ADCY6: variants seen among roughly 807,000 people sequenced by gnomAD.
ADCY6 encodes the protein adenylate cyclase type 6.
Under a neutral mutation model 111.6 loss-of-function variants are expected in ADCY6, and 59 were observed. The ratio of observed to expected loss-of-function variants is 0.53; its 90% CI spans 0.43 to 0.66. The LOEUF is 0.66. Ranked by LOEUF, ADCY6 falls within the 30% of genes least tolerant of loss-of-function variation. The pLI is 0.00. For synonymous variants in ADCY6, 576 were observed against 642.9 expected (o/e 0.90, Z 1.57); for missense variants, 1,242 against 1,595.6 (o/e 0.78, Z 3.78).
chr12:48,788,735 A>C (rs568668404), intron 1 of ADCY6, among the ~76,000 whole-genome samples, 171 bp downstream of exon 1: 137 of 152,100 alleles, frequency 9.0e-4, no homozygotes, highest in African/African-American at 3.0e-3. Context: ...CACTGCCTCC[A>C]TGACTTCCCT....
chr12:48,784,875 TAGGATG>T (rs1289248050), intron 1 of ADCY6, among the ~76,000 whole-genome samples: 11 of 151,984 alleles, frequency 7.2e-5, no homozygotes, highest in African/African-American at 2.7e-4. Flanking sequence ...CTGTGTTAGC[TAGGATG>T]GTCTCGATCT....
Position 48,778,024 on chromosome 12 carries a change from G to C in ADCY6, c.1014+84C>G, listed in dbSNP as rs1321047838. On this transcript the variant is annotated intron_variant, in intron 3 of 21. Transcript: ENST00000357869. ...GGGAACCATCACACTGTGCTGCACGGAACTGGACAAGGCAGCAGATCCAAT... is the reference window on the plus strand; with the variant it reads ...GGGAACCATCACACTGTGCTGCACGCAACTGGACAAGGCAGCAGATCCAAT... 2.0e-6 allele frequency: 3 copies of C among 1,517,018 alleles called. No homozygotes were observed. The African/African-American group carries it at 4.1e-5, about 21-fold the overall frequency. 94.0% of individuals were successfully genotyped at this position (1,517,018 alleles called of 1,614,324 possible).
intron 13 of ADCY6, 33 bp from the exon 14 acceptor site, chr12:48,774,551 T>C (rs367999519): frequency 1.4e-5 from 22 of 1,603,096 alleles, no homozygotes; most frequent in Non-Finnish European, 1.9e-5. Flanking sequence ...AGTTGAAGGT[T>C]GTATCAGCCA....
chr12:48,786,496 G>A (rs1444474881), intron 1 of ADCY6, among the ~76,000 whole-genome samples: 1 of 152,078 alleles, frequency 6.6e-6, no homozygotes, highest in Non-Finnish European at 1.5e-5. Context: ...CCCCATAGCT[G>A]AGATTACAAG....
chr12:48,779,940 C>T (rs1941800053), intron 2 of ADCY6, among the ~76,000 whole-genome samples: 1 of 152,108 alleles, frequency 6.6e-6, no homozygotes, highest in Admixed American at 6.5e-5. Context: ...CTGGGATGGG[C>T]CTCCTAGCTT....
In ADCY6 at chr12:48,788,961, T is replaced by TCCGGCCGG. The variant is rs1159051902; in HGVS notation, c.-68_-61dup. 2 of 95,774 alleles carry TCCGGCCGG rather than the reference T, an allele frequency of 2.1e-5. No homozygotes were observed. The highest frequency in any genetic ancestry group is 4.0e-5 in the Non-Finnish European group (2 of 49,992). 5.9% of individuals were successfully genotyped at this position (95,774 alleles called of 1,614,324 possible). A position where few individuals can be genotyped will look rare whatever the true frequency, so the allele number is the denominator to read the frequency against. ...CCCCCGCCCCGCCGCCCCCGCGGGC[T>TCCGGCCGG]CCGGCCGGCCGGCCGGCCGTCCCGC... is the stretch of plus-strand genomic sequence containing the variant. On this transcript the variant is annotated 5_prime_UTR_variant, in exon 1 of 22. Transcript: ENST00000357869.
At chr12:48,773,908 GC>G (rs761346887) in intron 15 of ADCY6, 31 bp downstream of exon 15, 5 of 1,608,550 alleles carry the variant, frequency 3.1e-6, no homozygotes, top group Admixed American at 1.7e-5. Flanking sequence ...TGCCAGGACA[GC>G]CCCCCCACCG....
Position 48,768,449 on chromosome 12 carries a change from A to G in ADCY6, c.*142T>C. 1 of 1,249,084 alleles carries G rather than the reference A, an allele frequency of 8.0e-7. No individual in the cohort carries two copies. The highest frequency in any genetic ancestry group is 1.5e-5 in the African/African-American group (1 of 67,968). 77.4% of individuals were successfully genotyped at this position (1,249,084 alleles called of 1,614,324 possible). On this transcript the variant is annotated 3_prime_UTR_variant, in exon 22 of 22. Transcript: ENST00000357869. The stretch of plus-strand genomic sequence containing the variant: ...CTTGAGGGCAGACGAGCATGATCCA[A>G]GCACAGCCTGCTGGGATGTTCCCTT...
chr12:48,775,799 C>A, intron 9 of ADCY6, 101 bp from the exon 10 acceptor site: 1 of 1,526,042 alleles, frequency 6.6e-7, no homozygotes, highest in South Asian at 1.2e-5. Flanking sequence ...GTGTCCCCGT[C>A]ATATCCTCTG....
rs749718371 is a variant in ADCY6, at chr12:48,775,314, G to C, written c.1969C>G (p.Leu657Val). The C allele has an allele frequency of 6.2e-7, 1 of 1,613,946 alleles. No individual in the cohort carries two copies. Among genetic ancestry groups the C allele is most frequent in the Admixed American group, 1.7e-5 (1 of 60,006 alleles). ...RFLLTFQRED[L>V]EKKYSRKVDP... ...TGTATCCCTCAAACCTTCTTCTCAA[G>C]ATCCTCTCTCTGGAAGGTGAGCAGA... Residue 657 changes from leucine to valine, a missense_variant, in exon 11 of 22, where the codon CTT becomes GTT. Transcript: ENST00000357869.
Position 48,768,226 on chromosome 12 carries a change from C to T in ADCY6, c.*365G>A. ...AAAGAAGGGCTCAGCCCTGAACCTG[C>T]TGCCCAGACAGACAGGGAAGGGTAG... On this transcript the variant is annotated 3_prime_UTR_variant, in exon 22 of 22. Transcript: ENST00000357869. The T allele has an allele frequency of 2.9e-6, 1 of 348,286 alleles. No homozygotes were observed. The highest frequency in any genetic ancestry group is 4.2e-5 in the Admixed American group (1 of 23,596). The allele number at this position is 348,286 out of a possible 1,614,324, so 21.6% of individuals were successfully genotyped here.
At position 48,768,704 on chromosome 12, in the gene ADCY6, G is replaced by C; in HGVS notation, c.3394C>G (p.Leu1132Val). 1.2e-6 allele frequency: 2 copies of C among 1,614,080 alleles called. No homozygotes were observed. The highest frequency in any genetic ancestry group is 1.7e-6 in the Non-Finnish European group (2 of 1,179,928). ...CCCTTGGCAGCTAGAACCTGGTACA[G>C]GTCCGTGGTCACCTGGGGGAGTGGG... ...VPDRIQVTTDLYQVLAAKGYQ... is the reference protein window; with the variant it reads ...VPDRIQVTTDVYQVLAAKGYQ... Residue 1132 changes from leucine (L) to valine (V), a missense_variant, in exon 22 of 22, where the codon CTG (leucine) becomes GTG (valine). Coordinates refer to ENST00000357869, the MANE Select transcript of ADCY6 (RefSeq NM_015270.5).
In ADCY6 at chr12:48,782,583, G is replaced by A. The variant is rs1242330299; in HGVS notation, c.852C>T (p.Phe284=). ...LAWQLNRGDA[F]LWKQLGANVL... Reference sequence around the variant, plus strand: ...CCTGGCCACCTACCTGCTTCCAGAGGAAGGCATCACCACGGTTAAGTTGCC... The same window carrying A: ...CCTGGCCACCTACCTGCTTCCAGAGAAAGGCATCACCACGGTTAAGTTGCC... Residue 284 remains phenylalanine (F), a synonymous_variant, in exon 2 of 22, where the codon TTC becomes TTT. Coordinates refer to ENST00000357869, the MANE Select transcript of ADCY6 (RefSeq NM_015270.5). This position sits in a 1 kb window ranked among gnomAD's most constrained non-coding sequence, Gnocchi z 4.3. 13 of 1,610,618 alleles carry A rather than the reference G, an allele frequency of 8.1e-6. No individual in the cohort carries two copies. The highest frequency in any genetic ancestry group is 1.0e-5 in the Non-Finnish European group (12 of 1,178,210).
chr12:48,782,540 G>A lies in ADCY6; in HGVS notation c.864+31C>T. On this transcript the variant is annotated intron_variant, in intron 2 of 21. Coordinates refer to ENST00000357869, the MANE Select transcript of ADCY6 (RefSeq NM_015270.5). The surrounding 1 kb of genome is among the most constrained non-coding windows in gnomAD (Gnocchi z 4.3). Reference sequence around the variant, plus strand: ...TGAGGTGAGAAATTCCCCACCTGCTGCCCTCCATCCCTACCTCCCTGGCCA... The same window carrying A: ...TGAGGTGAGAAATTCCCCACCTGCTACCCTCCATCCCTACCTCCCTGGCCA... 1 of 1,582,778 alleles carries A rather than the reference G, an allele frequency of 6.3e-7. No individual in the cohort carries two copies. The highest frequency in any genetic ancestry group is 8.6e-7 in the Non-Finnish European group (1 of 1,164,796).
chr12:48,780,852 G>A (rs1191308086), intron 2 of ADCY6, among the ~76,000 whole-genome samples: 2 of 152,216 alleles, frequency 1.3e-5, no homozygotes, highest in Non-Finnish European at 2.9e-5. Context: ...CTAAGGGCAC[G>A]TGCTCCACAA....
chr12:48,775,551 C>T, intron 10 of ADCY6, 101 bp from the exon 11 acceptor site: 1 of 1,583,532 alleles, frequency 6.3e-7, no homozygotes, highest in East Asian at 2.2e-5. Flanking sequence ...GGAGGGAGAG[C>T]CAGGGGGGTG....
In ADCY6 at chr12:48,771,591, CT is replaced by C. The variant is rs1239452163; in HGVS notation, c.3051+118del. On this transcript the variant is annotated intron_variant, in intron 19 of 21. Transcript: ENST00000357869. This position sits in a 1 kb window ranked among gnomAD's most constrained non-coding sequence, Gnocchi z 4.3. ...GCCTCCACTGTGCATACCCTTACCC[CT>C]GATGACTCTGGGTCCCATCAAATCT... is the stretch of plus-strand genomic sequence containing the variant. 8 of 1,510,260 alleles carry C rather than the reference CT, an allele frequency of 5.3e-6. No homozygotes were observed. Among genetic ancestry groups the C allele is most frequent in the African/African-American group, 4.1e-5 (3 of 73,000 alleles). The allele number at this position is 1,510,260 out of a possible 1,614,324, so 93.6% of individuals were successfully genotyped here.
At chr12:48,788,677 C>CGGCGGGCGACGGGGGT (rs1370498594) in intron 1 of ADCY6, among the ~76,000 whole-genome samples, 1 of 152,092 alleles carries the variant, frequency 6.6e-6, no homozygotes, top group Non-Finnish European at 1.5e-5. Context: ...GGGAGGCAGG[C>CGGCGGGCGACGGGGGT]GGCGGGCGAC....
chr12:48,781,191 C>T (rs1941834705), intron 2 of ADCY6, among the ~76,000 whole-genome samples: 1 of 149,920 alleles, frequency 6.7e-6, no homozygotes, highest in Admixed American at 6.6e-5. Flanking sequence ...CAGAGCAAGA[C>T]TCCGTCTCAA....
Sources: gnomAD v4.1 joint callset for allele counts (sites outside exome capture counted in the v4.1 genomes callset) on GRCh38, gnomAD v4.1.1 for gene constraint, Gnocchi (gnomAD v3.1) non-coding constraint, MANE v1.5 for transcripts, NCBI Gene and HGNC (gene_info 2026-07-23, HGNC 2026-07-21) for gene names.